Variants in TIAM1 observed in about 807,000 individuals in gnomAD.
TIAM1 encodes TIAM Rac1 associated GEF 1.
In TIAM1, 65 loss-of-function variants were observed where a neutral mutation model predicts 163.5. The ratio of observed to expected loss-of-function variants is 0.40; its 90% confidence interval spans 0.33 to 0.49. The LOEUF (loss-of-function observed/expected upper bound fraction) is 0.49, where lower values mean the gene tolerates loss of function less well. TIAM1 is among the 20% of genes least tolerant of loss of function. The pLI is 0.77. For missense variants in TIAM1, 1,789 were observed against 2,044.7 expected (o/e 0.87, Z 2.41); for synonymous variants, 833 against 810.1 (o/e 1.03, Z -0.48).
chr21:31,489,554 C>G (rs920159058), intron 1 of TIAM1, among the ~76,000 whole-genome samples: 1 of 88,418 alleles, frequency 1.1e-5, no homozygotes. Context: ...GAAAATTGTG[C>G]TAAGGGAAAA....
chr21:31,283,088 A>G (rs1271843026), intron 2 of TIAM1, among the ~76,000 whole-genome samples: 1 of 152,240 alleles, frequency 6.6e-6, no homozygotes, highest in Non-Finnish European at 1.5e-5. Flanking sequence ...AAGTCGGTAC[A>G]TTTCAAAGTG....
At chr21:31,301,847 A>G (rs28573869) in intron 2 of TIAM1, among the ~76,000 whole-genome samples, 1 of 99,298 alleles carries the variant, frequency 1.0e-5, no homozygotes, top group African/African-American at 4.3e-5. Flanking sequence ...TCTCAAAATA[A>G]ATAGATAAAT....
At chr21:31,478,611 TTTTG>T (rs1296691482) in intron 1 of TIAM1, among the ~76,000 whole-genome samples, 2 of 152,228 alleles carry the variant, frequency 1.3e-5, no homozygotes, top group African/African-American at 4.8e-5. Flanking sequence ...TAAAGCTTCT[TTTTG>T]TTTTTCTTTT....
At chr21:31,446,492 GAA>G (rs2044629232) in intron 2 of TIAM1, among the ~76,000 whole-genome samples, 1 of 152,150 alleles carries the variant, frequency 6.6e-6, no homozygotes, top group Admixed American at 6.6e-5. Context: ...TTTACACACT[GAA>G]AACTTACACA....
intron 4 of TIAM1, among the ~76,000 whole-genome samples, chr21:31,257,206 A>G (rs2072164427): frequency 6.6e-6 from 1 of 151,966 alleles, no homozygotes; most frequent in African/African-American, 2.4e-5. Context: ...AATCAACTCT[A>G]TTTTCCCTCC....
At chr21:31,506,010 C>CAAAAA (rs141958932) in intron 1 of TIAM1, among the ~76,000 whole-genome samples, 1 of 84,184 alleles carries the variant, frequency 1.2e-5, no homozygotes, top group African/African-American at 4.9e-5. Flanking sequence ...GACTCTGCCT[C>CAAAAA]AAAAAAAAAA....
At chr21:31,522,005 G>A (rs529122211) in intron 1 of TIAM1, among the ~76,000 whole-genome samples, 14 of 152,012 alleles carry the variant, frequency 9.2e-5, no homozygotes, top group African/African-American at 3.4e-4. Flanking sequence ...CCAAGTAGCT[G>A]GGACTAGAGG....
At chr21:31,202,638 TATA>T (rs1569018076) in intron 12 of TIAM1, among the ~76,000 whole-genome samples, 2 of 152,310 alleles carry the variant, frequency 1.3e-5, no homozygotes, top group East Asian at 3.9e-4. Flanking sequence ...AAGCTAGTAT[TATA>T]ATAATGACTA....
At chr21:31,450,010 T>C (rs1286710122) in intron 2 of TIAM1, among the ~76,000 whole-genome samples, 3 of 152,176 alleles carry the variant, frequency 2.0e-5, no homozygotes, top group Non-Finnish European at 4.4e-5. Flanking sequence ...ACCACGTAAC[T>C]GGCCTTGCCT....
At chr21:31,456,367 G>A (rs112019825) in intron 2 of TIAM1, among the ~76,000 whole-genome samples, 37 of 152,304 alleles carry the variant, frequency 2.4e-4, no homozygotes, top group Admixed American at 1.2e-3. Context: ...GACCAGGTGC[G>A]TGAGGATCAG....
At chr21:31,389,520 T>G (rs1190851682) in intron 2 of TIAM1, among the ~76,000 whole-genome samples, 1 of 152,194 alleles carries the variant, frequency 6.6e-6, no homozygotes, top group Admixed American at 6.5e-5. Context: ...TCCCAACCAT[T>G]TAAAACCATA....
intron 2 of TIAM1, among the ~76,000 whole-genome samples, chr21:31,325,890 C>G (rs182752000): frequency 1.9e-4 from 29 of 152,148 alleles, no homozygotes; most frequent in African/African-American, 6.5e-4. Flanking sequence ...CATGCAACTG[C>G]GAATAAAAGC....
At chr21:31,498,894 C>T (rs548243608) in intron 1 of TIAM1, among the ~76,000 whole-genome samples, 78 of 150,118 alleles carry the variant, frequency 5.2e-4, no homozygotes, top group African/African-American at 1.6e-3. Flanking sequence ...TGCAGTGAGC[C>T]GAGATCATGC....
intron 1 of TIAM1, among the ~76,000 whole-genome samples, chr21:31,499,562 A>AT (rs1187487101): frequency 6.6e-6 from 1 of 151,590 alleles, no homozygotes; most frequent in African/African-American, 2.4e-5. Context: ...TAAGACTAAA[A>AT]AAAAAAACGC....
At chr21:31,344,006 G>T (rs915150625) in intron 1 of TIAM1, 132 bp downstream of exon 1, 6 of 152,186 alleles carry the variant, frequency 3.9e-5, no homozygotes, top group Non-Finnish European at 7.3e-5. Flanking sequence ...ACGGTTCCCC[G>T]GCCCCAGCTG....
At chr21:31,248,828 C>T (rs1054872416) in intron 5 of TIAM1, among the ~76,000 whole-genome samples, 4 of 152,062 alleles carry the variant, frequency 2.6e-5, no homozygotes, top group East Asian at 3.9e-4. Flanking sequence ...CTCAGCTCTG[C>T]GTCACCAAGA....
chr21:31,433,996 C>T (rs2044127832), intron 2 of TIAM1, among the ~76,000 whole-genome samples: 1 of 152,038 alleles, frequency 6.6e-6, no homozygotes, highest in Non-Finnish European at 1.5e-5. Context: ...CAGGGTTTTG[C>T]CACGTTGCCC....
intron 2 of TIAM1, among the ~76,000 whole-genome samples, chr21:31,419,018 C>T (rs983416583): frequency 2.0e-5 from 3 of 152,166 alleles, no homozygotes; most frequent in Admixed American, 6.5e-5. Flanking sequence ...ATGGTCTCCA[C>T]GAGATCTGCC....
chr21:31,161,111 A>G (rs2083901294), intron 16 of TIAM1, among the ~76,000 whole-genome samples: 1 of 151,262 alleles, frequency 6.6e-6, no homozygotes, highest in Admixed American at 6.6e-5. Flanking sequence ...TTTTCCACTC[A>G]TGCTTTGTTA....
Sources: gnomAD v4.1 joint callset for allele counts (sites outside exome capture counted in the v4.1 genomes callset) on GRCh38, gnomAD v4.1.1 for gene constraint, MANE v1.5 for transcripts, NCBI Gene and HGNC (gene_info 2026-07-23, HGNC 2026-07-21) for gene names.